PHACTR1: variants seen among roughly 807,000 people sequenced by gnomAD.
PHACTR1 encodes the protein RPEL repeat containing 1.
A neutral mutation model predicts 69.2 loss-of-function variants in PHACTR1; 16 were observed. The observed-to-expected ratio is 0.23, with a 90% CI of 0.16 to 0.35. The LOEUF (loss-of-function observed/expected upper bound fraction) is 0.35. PHACTR1 is among the 10% of genes least tolerant of loss of function. PHACTR1 has a pLI of 1.00. For missense variants in PHACTR1, 510 were observed against 734.7 expected (o/e 0.69, Z 3.54); for synonymous variants, 312 against 284.5 (o/e 1.10, Z -0.97).
Position 13,078,885 on chromosome 6 carries a change from A to G in PHACTR1, c.415+25356A>G, listed in dbSNP as rs1196890820. The stretch of plus-strand genomic sequence containing the variant: ...GGGTAACCAGGGCATTCAGTTGCAA[A>G]TAAAGTCCCACCACATTCAGTTCCT... On this transcript the variant is annotated intron_variant, in intron 5 of 14. Transcript: ENST00000332995. 2.6e-5 allele frequency among the ~76,000 whole-genome samples: 4 copies of G among 152,226 alleles called. No homozygotes were observed. In the East Asian group the frequency reaches 7.7e-4, roughly 29 times the overall value.
intron 4 of PHACTR1, among the ~76,000 whole-genome samples, chr6:12,849,129 A>G (rs1162008970): frequency 6.6e-6 from 1 of 152,176 alleles, no homozygotes; most frequent in East Asian, 1.9e-4. Flanking sequence ...CCAGTGTGGC[A>G]AGAGTTAGAT....
chr6:12,934,044 C>T (rs1159303965), intron 4 of PHACTR1: 1 of 1,416,212 alleles, frequency 7.1e-7, no homozygotes, highest in African/African-American at 1.4e-5. Context: ...CTTGAAGTCC[C>T]AAATCAAGGT....
intron 4 of PHACTR1, among the ~76,000 whole-genome samples, chr6:12,913,484 A>G (rs773440381): frequency 6.6e-6 from 1 of 152,192 alleles, no homozygotes; most frequent in Non-Finnish European, 1.5e-5. Flanking sequence ...CGAATGGATA[A>G]AACTGTTCTC....
chr6:12,754,730 A>G (rs1767087497), intron 4 of PHACTR1, among the ~76,000 whole-genome samples: 1 of 152,200 alleles, frequency 6.6e-6, no homozygotes, highest in Non-Finnish European at 1.5e-5. Context: ...CCAACCAGGG[A>G]TGGGACATAT....
At chr6:12,932,194 A>G (rs1788944376) in intron 4 of PHACTR1, among the ~76,000 whole-genome samples, 1 of 152,128 alleles carries the variant, frequency 6.6e-6, no homozygotes, top group South Asian at 2.1e-4. Context: ...TTACCACTTT[A>G]TATCTTCGGA....
chr6:12,898,290 A>T (rs951836442), intron 4 of PHACTR1, among the ~76,000 whole-genome samples: 1 of 151,730 alleles, frequency 6.6e-6, no homozygotes, highest in Non-Finnish European at 1.5e-5. Flanking sequence ...GGATCCGTCC[A>T]CTCCTTCGTC....
chr6:12,780,117 C>T (rs963908566), intron 4 of PHACTR1, among the ~76,000 whole-genome samples: 1 of 152,122 alleles, frequency 6.6e-6, no homozygotes, highest in African/African-American at 2.4e-5. Flanking sequence ...AATTTAGGGA[C>T]TCAAGAACCT....
intron 10 of PHACTR1, among the ~76,000 whole-genome samples, chr6:13,271,360 T>C (rs992334870): frequency 1.7e-4 from 26 of 152,106 alleles, no homozygotes; most frequent in African/African-American, 6.0e-4. Flanking sequence ...GCGACAAATA[T>C]CCAAACTATA....
chr6:13,015,537 G>A (rs1020529976), intron 4 of PHACTR1, among the ~76,000 whole-genome samples: 3 of 152,250 alleles, frequency 2.0e-5, no homozygotes, highest in African/African-American at 7.2e-5. Context: ...CAGAGCTTGA[G>A]ATGCAGGCTA....
intron 4 of PHACTR1, among the ~76,000 whole-genome samples, chr6:12,947,058 G>T (rs1050181582): frequency 6.6e-6 from 1 of 151,718 alleles, no homozygotes; most frequent in Non-Finnish European, 1.5e-5. Flanking sequence ...TGATCCACCC[G>T]CCTCGGCCTC....
intron 4 of PHACTR1, among the ~76,000 whole-genome samples, chr6:12,811,196 T>C (rs1774976515): frequency 1.3e-5 from 2 of 152,348 alleles, no homozygotes; most frequent in African/African-American, 2.4e-5. Flanking sequence ...TCAGAAATCA[T>C]AGGACGAAGT....
chr6:13,034,306 C>T (rs1435017493), intron 4 of PHACTR1, among the ~76,000 whole-genome samples: 2 of 152,218 alleles, frequency 1.3e-5, no homozygotes, highest in African/African-American at 4.8e-5. Context: ...CGTGAGCCAC[C>T]ACGCCCGGCC....
At chr6:13,265,319 A>G (rs529860856) in intron 10 of PHACTR1, among the ~76,000 whole-genome samples, 61 of 150,766 alleles carry the variant, frequency 4.0e-4, no homozygotes, top group Non-Finnish European at 8.1e-4. Context: ...TTTGTGGGCC[A>G]TACCTATCAT....
intron 4 of PHACTR1, among the ~76,000 whole-genome samples, chr6:12,787,916 G>A (rs1771737797): frequency 6.6e-6 from 1 of 152,154 alleles, no homozygotes; most frequent in Non-Finnish European, 1.5e-5. Flanking sequence ...CAGCACTTTG[G>A]GAGGATGAGG....
chr6:12,847,137 T>G (rs1779366264), intron 4 of PHACTR1, among the ~76,000 whole-genome samples: 1 of 152,250 alleles, frequency 6.6e-6, no homozygotes, highest in Non-Finnish European at 1.5e-5. Context: ...TTTTTTCTTT[T>G]GTTAAAGATA....
chr6:12,871,887 A>T (rs1447585030), intron 4 of PHACTR1, among the ~76,000 whole-genome samples: 1 of 145,162 alleles, frequency 6.9e-6, no homozygotes. Flanking sequence ...AAAAAAAAAC[A>T]TTCCCTCATC....
chr6:12,869,174 T>A (rs1310504168), intron 4 of PHACTR1, among the ~76,000 whole-genome samples: 1 of 152,136 alleles, frequency 6.6e-6, no homozygotes, highest in African/African-American at 2.4e-5. Context: ...ATTGATAGAT[T>A]CCCAGCCTGT....
chr6:12,822,546 AGTTCTAAGCAACTAATAT>A (rs1272929938), intron 4 of PHACTR1, among the ~76,000 whole-genome samples: 1 of 152,228 alleles, frequency 6.6e-6, no homozygotes, highest in Non-Finnish European at 1.5e-5. Flanking sequence ...GGGTCCTAAA[AGTTCTAAGCAACTAATAT>A]GTTCCTCGCC....
intron 7 of PHACTR1, among the ~76,000 whole-genome samples, chr6:13,187,985 G>A (rs969929743): frequency 2.0e-5 from 3 of 152,196 alleles, no homozygotes; most frequent in Non-Finnish European, 4.4e-5. Context: ...CAGGAGCTCA[G>A]GTGGCCTGGT....
Sources: allele counts gnomAD v4.1 joint callset (sites outside exome capture counted in the v4.1 genomes callset), GRCh38; gene constraint gnomAD v4.1.1; transcripts MANE v1.5; gene names NCBI Gene and HGNC (gene_info 2026-07-23, HGNC 2026-07-21).